The following CYB5R3 variants were observed in gnomAD, a reference collection of about 807,000 sequenced individuals.
CYB5R3 encodes the protein cytochrome b5 reductase 3, also known as NADH-cytochrome b5 reductase 3.
In CYB5R3, 28 loss-of-function variants were observed where a neutral mutation model predicts 36.5. The observed-to-expected ratio is 0.77, with a 90% confidence interval of 0.57 to 1.05. CYB5R3 has a LOEUF of 1.05. CYB5R3 is among the 50% of genes least tolerant of loss of function. The pLI is 0.00. For missense variants in CYB5R3, 474 were observed against 408.9 expected (o/e 1.16, Z -1.37); for synonymous variants, 181 against 159.8 (o/e 1.13, Z -1.00).
At chr22:42,636,212 G>C (rs1042512803) in intron 2 of CYB5R3, among the ~76,000 whole-genome samples, 2 of 151,280 alleles carry the variant, frequency 1.3e-5, no homozygotes, top group South Asian at 2.1e-4. Flanking sequence ...GCAAGACTCT[G>C]TCTCAAAAAA....
intron 8 of CYB5R3, among the ~76,000 whole-genome samples, chr22:42,621,202 G>GTGTA (rs1653074712): frequency 6.6e-6 from 1 of 151,930 alleles, no homozygotes; most frequent in African/African-American, 2.4e-5. Flanking sequence ...GTGTGTGTGT[G>GTGTA]TGTGTGTGTG....
chr22:42,636,888 T>C lies in CYB5R3; in HGVS notation c.22-42A>G, dbSNP rs375470116. 184 of 1,604,440 alleles carry C rather than the reference T, an allele frequency of 1.1e-4. 1 individual carries two copies. In the African/African-American group the frequency reaches 2.2e-3, roughly 20 times the overall value. On this transcript the variant is annotated intron_variant, in intron 1 of 8. Coordinates refer to ENST00000352397, the MANE Select transcript of CYB5R3 (RefSeq NM_000398.7). ...CGCGGGGTCAGTGCAGGAGCCTGCCTTTCCCCAAACACACCGGCTTGTCCA... is the reference window on the plus strand; with the variant it reads ...CGCGGGGTCAGTGCAGGAGCCTGCCCTTCCCCAAACACACCGGCTTGTCCA...
intron 1 of CYB5R3, among the ~76,000 whole-genome samples, chr22:42,645,873 G>C (rs1320397811): frequency 6.6e-6 from 1 of 151,976 alleles, no homozygotes; most frequent in Admixed American, 6.5e-5. Context: ...AGTGGGCACT[G>C]AGGTGGCAGG....
chr22:42,631,629 CGT>C, intron 2 of CYB5R3, 179 bp from the exon 3 acceptor site: 3 of 652,884 alleles, frequency 4.6e-6, no homozygotes, highest in Non-Finnish European at 8.3e-6. Context: ...ATGCACGCTG[CGT>C]GTGAGGTGCT....
chr22:42,647,737 C>T (rs1200417115), intron 1 of CYB5R3, among the ~76,000 whole-genome samples: 1 of 151,914 alleles, frequency 6.6e-6, no homozygotes, highest in Non-Finnish European at 1.5e-5. Flanking sequence ...AAAACTTAGC[C>T]AGGCATATTG....
At chr22:42,622,428 G>A (rs1928029748) in intron 8 of CYB5R3, among the ~76,000 whole-genome samples, 1 of 152,180 alleles carries the variant, frequency 6.6e-6, no homozygotes, top group African/African-American at 2.4e-5. Flanking sequence ...GGTCAGGTTG[G>A]CTTCCTGAGC....
chr22:42,640,747 C>G (rs1025914587), intron 1 of CYB5R3: 1 of 121,972 alleles, frequency 8.2e-6, no homozygotes, highest in African/African-American at 2.5e-5. Flanking sequence ...AAGACTACCC[C>G]CTGCCTCCTC....
At position 42,631,456 on chromosome 22, in the gene CYB5R3, G is replaced by T. The variant is rs771923171; in HGVS notation, c.154-6C>A. ...CGGGTGTCATGGCTGATGATCTGGA[G>T]AGAGGCCCAAAGCTGCTGAACGGTC... On this transcript the variant is annotated splice_region_variant and splice_polypyrimidine_tract_variant and intron_variant, in intron 2 of 8. Coordinates refer to ENST00000352397, the MANE Select transcript of CYB5R3 (RefSeq NM_000398.7). 6.4e-7 allele frequency: 1 copy of T among 1,551,606 alleles called. No homozygotes were observed. Among genetic ancestry groups the T allele is most frequent in the South Asian group, 1.2e-5 (1 of 84,058 alleles).
chr22:42,620,796 T>C (rs1353959529), intron 8 of CYB5R3, among the ~76,000 whole-genome samples: 1 of 152,156 alleles, frequency 6.6e-6, no homozygotes, highest in Non-Finnish European at 1.5e-5. Context: ...ATGGACTCCA[T>C]GAGCTAAGTC....
intron 7 of CYB5R3, among the ~76,000 whole-genome samples, chr22:42,625,820 TA>T (rs1418342155): frequency 6.6e-6 from 1 of 152,098 alleles, no homozygotes; most frequent in Non-Finnish European, 1.5e-5. Context: ...GGTTTTCATA[TA>T]ATACTGAGAC....
intron 8 of CYB5R3, among the ~76,000 whole-genome samples, chr22:42,621,726 G>A (rs1821357901): frequency 6.6e-6 from 1 of 152,238 alleles, no homozygotes; most frequent in African/African-American, 2.4e-5. Context: ...GCCCCTCCCT[G>A]GGGGACCAGG....
intron 1 of CYB5R3, 115 bp downstream of exon 1, chr22:42,649,180 G>T: frequency 2.8e-6 from 1 of 356,576 alleles, no homozygotes; most frequent in Non-Finnish European, 4.1e-6. Context: ...CGAAGTGGGT[G>T]CGGCCGGGTG....
At chr22:42,634,700 A>T (rs986213059) in intron 2 of CYB5R3, among the ~76,000 whole-genome samples, 1 of 141,844 alleles carries the variant, frequency 7.1e-6, no homozygotes, top group African/African-American at 2.7e-5. Flanking sequence ...ATCTCGGCTC[A>T]CTGCAAGCTC....
intron 1 of CYB5R3, among the ~76,000 whole-genome samples, chr22:42,642,346 T>C (rs1325182152): frequency 2.0e-5 from 3 of 152,168 alleles, no homozygotes; most frequent in African/African-American, 7.2e-5. Context: ...ACTTCTGAGC[T>C]CAAGCCAACA....
At chr22:42,634,433 C>T (rs1928774460) in intron 2 of CYB5R3, among the ~76,000 whole-genome samples, 1 of 151,568 alleles carries the variant, frequency 6.6e-6, no homozygotes, top group South Asian at 2.1e-4. Context: ...TGGTGATTTA[C>T]TTTTTTTTGC....
rs1357688117 is a variant in CYB5R3, at chr22:42,628,048, A to G, written c.463+104T>C. On this transcript the variant is annotated intron_variant, in intron 5 of 8. Transcript: ENST00000352397. The stretch of plus-strand genomic sequence containing the variant: ...AGGGACAGCTGGCCTGACGAGAGTC[A>G]CCCATCCACACAGAGCCAGGGGCCT... 3 of 1,495,908 alleles carry G rather than the reference A, an allele frequency of 2.0e-6. No individual in the cohort carries two copies. The African/African-American group carries it at 4.1e-5, about 21-fold the overall frequency. The allele number at this position is 1,495,908 out of a possible 1,614,324, so 92.7% of individuals were successfully genotyped here. A position where few individuals can be genotyped will look rare whatever the true frequency, so the allele number is the denominator to read the frequency against.
intron 1 of CYB5R3, among the ~76,000 whole-genome samples, chr22:42,639,338 T>C (rs6002840): frequency 2.2e-5 from 3 of 135,850 alleles, no homozygotes; most frequent in South Asian, 2.2e-4. Flanking sequence ...AAAAAAAAAG[T>C]GGGGGGGGAC....
chr22:42,640,070 T>G, intron 1 of CYB5R3: 1 of 1,613,896 alleles, frequency 6.2e-7, no homozygotes, highest in South Asian at 1.1e-5. Context: ...TCCTTAACTG[T>G]GAGCTGTTTG....
At chr22:42,634,955 C>T (rs1476577895) in intron 2 of CYB5R3, among the ~76,000 whole-genome samples, 1 of 151,142 alleles carries the variant, frequency 6.6e-6, no homozygotes, top group Non-Finnish European at 1.5e-5. Context: ...CAGGTGCCTG[C>T]CACCACGCCC....
Sources: allele counts gnomAD v4.1 joint callset (sites outside exome capture counted in the v4.1 genomes callset), GRCh38; gene constraint gnomAD v4.1.1; transcripts MANE v1.5; gene names NCBI Gene and HGNC (gene_info 2026-07-23, HGNC 2026-07-21).